Variants in FBXO40 observed in about 807,000 individuals in gnomAD.
The protein encoded by FBXO40 is F-box only protein 40.
Under a neutral mutation model 49.9 loss-of-function variants are expected in FBXO40, and 50 were observed. The observed-to-expected ratio is 1.00, with a 90% CI of 0.80 to 1.27. FBXO40 has a LOEUF of 1.27. Ranked by LOEUF, FBXO40 falls within the 50% of genes most tolerant of loss-of-function variation. FBXO40 has a pLI of 0.00. For synonymous variants in FBXO40, 340 were observed against 320.2 expected (o/e 1.06, Z -0.66); for missense variants, 895 against 870.1 (o/e 1.03, Z -0.36).
intron 1 of FBXO40, among the ~76,000 whole-genome samples, chr3:121,608,023 C>G (rs996552961): frequency 2.6e-5 from 4 of 152,240 alleles, no homozygotes; most frequent in African/African-American, 9.6e-5. Flanking sequence ...ATCGTGATCC[C>G]TGGCCCATTT....
Position 121,627,661 on chromosome 3 carries a change from AACTT to A in FBXO40, c.*756_*759del, listed in dbSNP as rs2049069963. On this transcript the variant is annotated 3_prime_UTR_variant, in exon 4 of 4. Coordinates refer to ENST00000338040, the MANE Select transcript of FBXO40 (RefSeq NM_016298.4). ...GAGAACATTAGGACAAAAAGTCACCAACTTACTTTGTAACATTTTAATAATGACT... is the reference window on the plus strand; with the variant it reads ...GAGAACATTAGGACAAAAAGTCACCAACTTTGTAACATTTTAATAATGACT... The A allele has an allele frequency of 1.0e-5, 4 of 395,968 alleles. No individual in the cohort carries two copies. The South Asian group carries it at 4.3e-4, about 42-fold the overall frequency. The allele number at this position is 395,968 out of a possible 1,614,324, so 24.5% of individuals were successfully genotyped here.
At chr3:121,602,041 C>T (rs375381584) in intron 1 of FBXO40, among the ~76,000 whole-genome samples, 52 of 152,304 alleles carry the variant, frequency 3.4e-4, no homozygotes, top group African/African-American at 1.2e-3. Flanking sequence ...GGGGACCTGC[C>T]ATAAGCAGTG....
intron 1 of FBXO40, among the ~76,000 whole-genome samples, chr3:121,606,465 A>T (rs2048932704): frequency 6.6e-6 from 1 of 152,138 alleles, no homozygotes; most frequent in South Asian, 2.1e-4. Flanking sequence ...GTCACTAGAG[A>T]CCCTTCCATT....
intron 1 of FBXO40, among the ~76,000 whole-genome samples, chr3:121,604,075 C>T (rs772160319): frequency 6.6e-6 from 1 of 152,142 alleles, no homozygotes; most frequent in African/African-American, 2.4e-5. Flanking sequence ...TAACATATTT[C>T]CCCCTTCTGT....
chr3:121,600,592 C>A (rs945035730), intron 1 of FBXO40, among the ~76,000 whole-genome samples: 2 of 152,184 alleles, frequency 1.3e-5, no homozygotes, highest in South Asian at 4.1e-4. Context: ...CCAACTCTAG[C>A]GATGGGCTTG....
intron 1 of FBXO40, among the ~76,000 whole-genome samples, chr3:121,601,973 T>C (rs1264369773): frequency 6.6e-6 from 1 of 152,218 alleles, no homozygotes; most frequent in Non-Finnish European, 1.5e-5. Flanking sequence ...ACATTTTCAA[T>C]GGCCAAGGGT....
intron 3 of FBXO40, among the ~76,000 whole-genome samples, chr3:121,625,629 T>C (rs544894855): frequency 6.6e-6 from 1 of 152,318 alleles, no homozygotes; most frequent in South Asian, 2.1e-4. Flanking sequence ...TGTAAATAAT[T>C]TAATTTAGAT....
intron 1 of FBXO40, among the ~76,000 whole-genome samples, chr3:121,596,045 A>G (rs1254871541): frequency 1.3e-5 from 2 of 152,238 alleles, no homozygotes; most frequent in Admixed American, 1.3e-4. Flanking sequence ...TTAAAATTAT[A>G]GAAAAGAATG....
rs2049072423 is a variant in FBXO40 at position 121,628,075 on chromosome 3, A to G, written c.*1165A>G. The G allele has an allele frequency of 2.5e-6, 1 of 397,580 alleles. No homozygotes were observed. Among genetic ancestry groups the G allele is most frequent in the East Asian group, 3.6e-5 (1 of 28,052 alleles). The allele number at this position is 397,580 out of a possible 1,614,324, so 24.6% of individuals were successfully genotyped here. A position where few individuals can be genotyped will look rare whatever the true frequency, so the allele number is the denominator to read the frequency against. On this transcript the variant is annotated 3_prime_UTR_variant, in exon 4 of 4. Transcript: ENST00000338040. Reference sequence around the variant, plus strand: ...ACAAACAGTGAATATTCATAAGAACAAAAGTAAAAGAAAAAAAGACACAGT... The same window carrying G: ...ACAAACAGTGAATATTCATAAGAACGAAAGTAAAAGAAAAAAAGACACAGT...
chr3:121,626,267 G>C lies in FBXO40; in HGVS notation c.1915-428G>C, dbSNP rs373271372. ...CACTCGGTGGTCTCTGGTGATTGCTGGCACCTCCTAGGACTTCAGCTTTGC... is the reference window on the plus strand; with the variant it reads ...CACTCGGTGGTCTCTGGTGATTGCTCGCACCTCCTAGGACTTCAGCTTTGC... On this transcript the variant is annotated intron_variant, in intron 3 of 3. Coordinates refer to ENST00000338040, the MANE Select transcript of FBXO40 (RefSeq NM_016298.4). Among the ~76,000 whole-genome samples, 20 of 152,026 alleles carry C rather than the reference G, an allele frequency of 1.3e-4. No individual in the cohort carries two copies. In the East Asian group the frequency reaches 3.9e-3, roughly 29 times the overall value.
Position 121,622,564 on chromosome 3 carries a change from G to C in FBXO40, c.1135G>C (p.Asp379His), listed in dbSNP as rs749363781. The change falls in exon 3 of 4, where the codon GAT becomes CAT. Residue 379 changes from aspartate to histidine, a missense_variant. Coordinates refer to ENST00000338040, the MANE Select transcript of FBXO40 (RefSeq NM_016298.4). ...TAAGCCAAGTGAACACAAGGCAGTG[G>C]ATACTTCAGATTTGGGGATCACTGT... is the stretch of plus-strand genomic sequence containing the variant. Reference protein sequence around the residue: ...SCKPSEHKAVDTSDLGITVED... With the variant: ...SCKPSEHKAVHTSDLGITVED... 3 of 1,614,176 alleles carry C rather than the reference G, an allele frequency of 1.9e-6. No individual in the cohort carries two copies. The highest frequency in any genetic ancestry group is 1.7e-6 in the Non-Finnish European group (2 of 1,180,032).
At chr3:121,617,782 T>G (rs1014752879) in intron 1 of FBXO40, among the ~76,000 whole-genome samples, 1 of 152,098 alleles carries the variant, frequency 6.6e-6, no homozygotes, top group Non-Finnish European at 1.5e-5. Context: ...GGCGGATCAC[T>G]TGAGGTCAGG....
intron 3 of FBXO40, among the ~76,000 whole-genome samples, chr3:121,625,819 C>A (rs1274040187): frequency 1.3e-5 from 2 of 152,110 alleles, no homozygotes; most frequent in African/African-American, 4.8e-5. Flanking sequence ...GTTCTAAGAT[C>A]TCAAAAAAAC....
At chr3:121,614,872 A>C (rs749646931) in intron 1 of FBXO40, among the ~76,000 whole-genome samples, 4 of 152,254 alleles carry the variant, frequency 2.6e-5, no homozygotes, top group Non-Finnish European at 5.9e-5. Flanking sequence ...GTCACGACCC[A>C]GACACCAAGA....
intron 1 of FBXO40, among the ~76,000 whole-genome samples, chr3:121,613,816 G>A (rs1194258868): frequency 1.3e-5 from 2 of 152,192 alleles, no homozygotes; most frequent in Admixed American, 6.5e-5. Flanking sequence ...TAAGTCAGAG[G>A]AGAGGCAAGG....
rs775379711 is a variant in FBXO40, at chr3:121,622,209, A to G, written c.780A>G (p.Gly260=). ...QISSGHNMVE[G]EGAPKKKEPQ... ...CCAGTGGCCATAACATGGTAGAAGG[A>G]GAGGGCGCTCCCAAAAAGAAAGAAC... The change falls in exon 3 of 4, where the codon GGA becomes GGG. Residue 260 remains glycine (G), a synonymous_variant. Transcript: ENST00000338040. 6.2e-7 allele frequency: 1 copy of G among 1,614,056 alleles called. No individual in the cohort carries two copies.
intron 2 of FBXO40, 127 bp downstream of exon 2, chr3:121,620,705 A>T: frequency 8.7e-7 from 1 of 1,153,926 alleles, no homozygotes; most frequent in East Asian, 2.4e-5. Context: ...CTTTTTTCCA[A>T]ACTAGAGATG....
intron 1 of FBXO40, among the ~76,000 whole-genome samples, chr3:121,599,468 CAAA>C (rs35637771): frequency 3.9e-4 from 36 of 91,652 alleles, no homozygotes; most frequent in South Asian, 3.9e-3. Flanking sequence ...GACTCTGACT[CAAA>C]AAAAAAAAAA....
chr3:121,623,549 T>C (rs1208415790), intron 3 of FBXO40, among the ~76,000 whole-genome samples: 1 of 152,180 alleles, frequency 6.6e-6, no homozygotes, highest in Non-Finnish European at 1.5e-5. Flanking sequence ...AATTTTTAAA[T>C]TGAGATGGGG....
Sources: allele counts gnomAD v4.1 joint callset (sites outside exome capture counted in the v4.1 genomes callset), GRCh38; gene constraint gnomAD v4.1.1; transcripts MANE v1.5; gene names NCBI Gene and HGNC (gene_info 2026-07-23, HGNC 2026-07-21).